Variants in HCN2 observed in about 807,000 individuals in gnomAD.
HCN2 encodes the protein potassium/sodium hyperpolarization-activated cyclic nucleotide-gated channel 2.
HCN2 carries 20 observed loss-of-function variants against 52.3 expected under a neutral mutation model. The observed-to-expected ratio is 0.38, with a 90% confidence interval of 0.27 to 0.56. The LOEUF is 0.56. HCN2 is among the 20% of genes least tolerant of loss of function. HCN2 has a pLI of 0.71. For synonymous variants in HCN2, 694 were observed against 537.0 expected, an observed-to-expected ratio of 1.29 and a Z score of -4.04; for missense variants, 981 against 1,207.7, an observed-to-expected ratio of 0.81 and a Z score of 2.78.
At chr19:608,387 C>T (rs1015968897) in intron 4 of HCN2, among the ~76,000 whole-genome samples, 23 of 128,062 alleles carry the variant, frequency 1.8e-4, no homozygotes, top group African/African-American at 4.3e-4. Context: ...GGGGCGGGCC[C>T]GGCCCCGGGG....
At chr19:611,518 A>G (rs1281462994) in intron 5 of HCN2, among the ~76,000 whole-genome samples, 1 of 152,156 alleles carries the variant, frequency 6.6e-6, no homozygotes, top group African/African-American at 2.4e-5. Flanking sequence ...GGCCCCGGGA[A>G]TGCCTCTGGG....
At chr19:611,860 A>G (rs1160724218) in intron 5 of HCN2, among the ~76,000 whole-genome samples, 2 of 152,210 alleles carry the variant, frequency 1.3e-5, no homozygotes, top group African/African-American at 4.8e-5. Flanking sequence ...TTAAACCCAC[A>G]TATGGCCAGG....
intron 6 of HCN2, 138 bp downstream of exon 6, chr19:613,626 T>TGGGGATGGGGCC (rs1481241627): frequency 2.4e-5 from 1 of 41,950 alleles, no homozygotes; most frequent in Non-Finnish European, 4.0e-5. Context: ...GGGATGGGGA[T>TGGGGATGGGGCC]GGGGATGGGG....
At chr19:602,111 T>C (rs1983222164) in intron 1 of HCN2, among the ~76,000 whole-genome samples, 1 of 131,386 alleles carries the variant, frequency 7.6e-6, no homozygotes, top group Non-Finnish European at 1.6e-5. Context: ...CCTCTCCTCC[T>C]GCGTGGACGC....
rs1982910373 is a variant in HCN2 at position 592,776 on chromosome 19, A to G, written c.632+2199A>G. Among the ~76,000 whole-genome samples the G allele has an allele frequency of 6.6e-6, 1 of 152,032 alleles. No individual in the cohort carries two copies. The highest frequency in any genetic ancestry group is 2.4e-5 in the African/African-American group (1 of 41,398). On this transcript the variant is annotated intron_variant, in intron 1 of 7. Transcript: ENST00000251287. This position sits in a 1 kb window ranked among gnomAD's most constrained non-coding sequence, Gnocchi z 4.8. ...CCCAAGAATATCTCAAAAGCTCCCT[A>G]AGCAGGCGGCCGGACCCTGCTGTGG...
At chr19:610,160 G>T in intron 4 of HCN2, 99 bp from the exon 5 acceptor site, 1 of 1,431,702 alleles carries the variant, frequency 7.0e-7, no homozygotes, top group African/African-American at 1.5e-5. Flanking sequence ...TGGGGGCGGT[G>T]TCTGACCCAG....
chr19:595,123 G>A (rs1056998331), intron 1 of HCN2, among the ~76,000 whole-genome samples: 1 of 150,840 alleles, frequency 6.6e-6, no homozygotes, highest in Non-Finnish European at 1.5e-5. Context: ...GATCACCTGA[G>A]CCCAGGAGGT....
intron 1 of HCN2, among the ~76,000 whole-genome samples, chr19:596,884 T>C (rs1983046543): frequency 6.6e-6 from 1 of 152,210 alleles, no homozygotes; most frequent in Non-Finnish European, 1.5e-5. Flanking sequence ...CAGTCTAGTG[T>C]TGGGCAAGGA....
At chr19:594,478 T>A (rs188820261) in intron 1 of HCN2, among the ~76,000 whole-genome samples, 2 of 152,246 alleles carry the variant, frequency 1.3e-5, no homozygotes, top group East Asian at 3.9e-4. Flanking sequence ...ACAGACGAGA[T>A]GCTCCCCAAA....
chr19:595,194 C>T (rs1414013165), intron 1 of HCN2, among the ~76,000 whole-genome samples: 4 of 151,850 alleles, frequency 2.6e-5, no homozygotes, highest in Non-Finnish European at 1.5e-5. Flanking sequence ...AGAGTGAGAC[C>T]CTGTCTCAAA....
intron 5 of HCN2, among the ~76,000 whole-genome samples, chr19:612,427 T>TGTGAGAGAGA: frequency 1.9e-3 from 274 of 142,342 alleles, no homozygotes; most frequent in African/African-American, 6.7e-3. Context: ...TGTGTGTGTG[T>TGTGAGAGAGA]GAGAGAGAGA....
Position 616,974 on chromosome 19 carries a change from G to C in HCN2, c.*500G>C. ...CGGTGACCTCGGGGAGCAGCACCCC[G>C]CCTCCCTCCAGCACTGGCACCGAGA... On this transcript the variant is annotated 3_prime_UTR_variant, in exon 8 of 8. Coordinates refer to ENST00000251287, the MANE Select transcript of HCN2 (RefSeq NM_001194.4). 2.2e-6 allele frequency: 1 copy of C among 456,694 alleles called. No individual in the cohort carries two copies. Among genetic ancestry groups the C allele is most frequent in the Non-Finnish European group, 4.0e-6 (1 of 248,466 alleles). 28.3% of individuals were successfully genotyped at this position (456,694 alleles called of 1,614,324 possible).
At chr19:607,268 C>T (rs1022020327) in intron 3 of HCN2, among the ~76,000 whole-genome samples, 6 of 152,374 alleles carry the variant, frequency 3.9e-5, no homozygotes, top group Admixed American at 1.3e-4. Flanking sequence ...TGGGAGCCCT[C>T]GGCCGCTACA....
At position 590,601 on chromosome 19, in the gene HCN2, C is replaced by T; in HGVS notation, c.632+24C>T. Reference sequence around the variant, plus strand: ...AGGTACCGCCTCCGGGAGGGCCGGTCGGCGCGAGGGGGCCCGGGGAGCCGG... The same window carrying T: ...AGGTACCGCCTCCGGGAGGGCCGGTTGGCGCGAGGGGGCCCGGGGAGCCGG... On this transcript the variant is annotated intron_variant, in intron 1 of 7. Transcript: ENST00000251287. The surrounding 1 kb of genome is among the most constrained non-coding windows in gnomAD (Gnocchi z 7.2). The T allele has an allele frequency of 1.5e-6, 2 of 1,377,052 alleles. No homozygotes were observed. The highest frequency in any genetic ancestry group is 1.9e-6 in the Non-Finnish European group (2 of 1,047,960). The allele number at this position is 1,377,052 out of a possible 1,614,324, so 85.3% of individuals were successfully genotyped here. A position where few individuals can be genotyped will look rare whatever the true frequency, so the allele number is the denominator to read the frequency against.
In HCN2 at chr19:593,391, C is replaced by T. The variant is rs183884977; in HGVS notation, c.632+2814C>T. Among the ~76,000 whole-genome samples the T allele has an allele frequency of 1.1e-4, 16 of 152,160 alleles. No individual in the cohort carries two copies. The East Asian group carries it at 2.1e-3, about 20-fold the overall frequency. On this transcript the variant is annotated intron_variant, in intron 1 of 7. Transcript: ENST00000251287. Reference sequence around the variant, plus strand: ...CAGCACTTTGGGAGGCTGAGGCGGGCGGATCACCTGAGGTCAGGAGTTCGA... The same window carrying T: ...CAGCACTTTGGGAGGCTGAGGCGGGTGGATCACCTGAGGTCAGGAGTTCGA...
At position 616,249 on chromosome 19, in the gene HCN2, C is replaced by G. The variant is rs909314890; in HGVS notation, c.2445C>G (p.Arg815=). ...CCCTGCCCGCGCGCCGCCTGAGCCG[C>G]GCGTCGCGCCCACTGTCCGCCTCGC... ...GPALPARRLS[R]ASRPLSASQP... Residue 815 remains arginine, a synonymous_variant, in exon 8 of 8, where the codon CGC becomes CGG. Coordinates refer to ENST00000251287, the MANE Select transcript of HCN2 (RefSeq NM_001194.4). 2.0e-6 allele frequency: 2 copies of G among 1,010,612 alleles called. No individual in the cohort carries two copies. Among genetic ancestry groups the G allele is most frequent in the African/African-American group, 1.8e-5 (1 of 57,106 alleles). The allele number at this position is 1,010,612 out of a possible 1,614,324, so 62.6% of individuals were successfully genotyped here. A position where few individuals can be genotyped will look rare whatever the true frequency, so the allele number is the denominator to read the frequency against.
At chr19:608,847 G>A (rs1781555144) in intron 4 of HCN2, among the ~76,000 whole-genome samples, 1 of 152,172 alleles carries the variant, frequency 6.6e-6, no homozygotes, top group African/African-American at 2.4e-5. Context: ...GAGCAAGGCT[G>A]CCCCACTGCT....
At chr19:604,033 CAAGGCAGCAGGGGCGGGGCT>C in intron 2 of HCN2, 66 bp downstream of exon 2, 1 of 951,638 alleles carries the variant, frequency 1.1e-6, no homozygotes, top group East Asian at 3.5e-5. Context: ...TGGGCGGGGC[CAAGGCAGCAGGGGCGGGGCT>C]ATAATGGTGC....
rs762438756 is a variant in HCN2 at position 605,066 on chromosome 19, C to G, written c.1062C>G (p.Phe354Leu). 6.8e-6 allele frequency: 11 copies of G among 1,609,442 alleles called. No individual in the cohort carries two copies. Among genetic ancestry groups the G allele is most frequent in the Non-Finnish European group, 1.7e-6 (2 of 1,177,902 alleles). The change falls in exon 3 of 8, where the codon TTC (phenylalanine) becomes TTG (leucine). Residue 354 changes from phenylalanine (F) to leucine (L), a missense_variant. Transcript: ENST00000251287. ...IRYIHQWEEI[F>L]HMTYDLASAV... ...CTCACGGCGCCTTCCTGCAGATCTTCCACATGACCTATGACCTGGCCAGCG... is the reference window on the plus strand; with the variant it reads ...CTCACGGCGCCTTCCTGCAGATCTTGCACATGACCTATGACCTGGCCAGCG...
Sources: gnomAD v4.1 joint callset for allele counts (sites outside exome capture counted in the v4.1 genomes callset) on GRCh38, gnomAD v4.1.1 for gene constraint, Gnocchi (gnomAD v3.1) non-coding constraint, MANE v1.5 for transcripts, NCBI Gene and HGNC (gene_info 2026-07-23, HGNC 2026-07-21) for gene names.